Variants in SYNJ2 observed in about 807,000 individuals in gnomAD.
The protein encoded by SYNJ2 is polyphosphatidylinositol phosphatase SYNJ2.
A neutral mutation model predicts 141.3 loss-of-function variants in SYNJ2; 116 were observed. The ratio of observed to expected loss-of-function variants is 0.82; its 90% CI spans 0.71 to 0.96. The LOEUF (loss-of-function observed/expected upper bound fraction) is 0.96, where lower values mean the gene tolerates loss of function less well. Among genes scored for constraint, SYNJ2 ranks in the 40% least tolerant of loss-of-function variants. The pLI is 0.00. For missense variants in SYNJ2, 1,873 were observed against 1,934.8 expected (o/e 0.97, Z 0.60); for synonymous variants, 745 against 777.7 (o/e 0.96, Z 0.70).
At chr6:158,082,520 G>A (rs1782764576) in intron 20 of SYNJ2, among the ~76,000 whole-genome samples, 2 of 146,518 alleles carry the variant, frequency 1.4e-5, no homozygotes, top group Admixed American at 1.4e-4. Flanking sequence ...AAAGTAGCCA[G>A]ACATGGTGGC....
rs752788432 is a variant in SYNJ2, at chr6:158,043,843, C to T, written c.795+444C>T. Among the ~76,000 whole-genome samples the T allele has an allele frequency of 2.0e-5, 3 of 152,164 alleles. No homozygotes were observed. Among genetic ancestry groups the T allele is most frequent in the South Asian group, 2.1e-4 (1 of 4,830 alleles). ...CCCGGTGCTGCCTGTTGTGGGGCCA[C>T]GTGAGACTTCCACAGCTTTCCCGTG... On this transcript the variant is annotated intron_variant, in intron 5 of 26. Coordinates refer to ENST00000355585, the MANE Select transcript of SYNJ2 (RefSeq NM_003898.4). The surrounding 1 kb of genome is among the most constrained non-coding windows in gnomAD (Gnocchi z 4.0).
intron 19 of SYNJ2, 37 bp from the exon 20 acceptor site, chr6:158,081,395 C>T (rs553210024): frequency 8.1e-6 from 13 of 1,612,100 alleles, no homozygotes; most frequent in Admixed American, 6.7e-5. Flanking sequence ...GCTGCCAGGT[C>T]GTTCTTGGCA....
At position 158,027,581 on chromosome 6, in the gene SYNJ2, A is replaced by G. The variant is rs1779118375; in HGVS notation, c.215-1175A>G. 6.6e-6 allele frequency: 1 copy of G among 152,224 alleles called. No individual in the cohort carries two copies. Among genetic ancestry groups the G allele is most frequent in the African/African-American group, 2.4e-5 (1 of 41,438 alleles). The allele number at this position is 152,224 out of a possible 1,614,324, so 9.4% of individuals were successfully genotyped here. A position where few individuals can be genotyped will look rare whatever the true frequency, so the allele number is the denominator to read the frequency against. ...CAGGGTCCGAGGTCGTCTTGGTAGC[A>G]TTTGGCAGGAATTTATTTAGGAAGC... On this transcript the variant is annotated intron_variant, in intron 2 of 26. Coordinates refer to ENST00000355585, the MANE Select transcript of SYNJ2 (RefSeq NM_003898.4). The surrounding 1 kb of genome is among the most constrained non-coding windows in gnomAD (Gnocchi z 4.6).
At position 158,043,868 on chromosome 6, in the gene SYNJ2, G is replaced by A. The variant is rs1354019260; in HGVS notation, c.795+469G>A. ...CGTGAGACTTCCACAGCTTTCCCGT[G>A]ATTTCTAAAAATACCCCTTGCCGTC... On this transcript the variant is annotated intron_variant, in intron 5 of 26. Coordinates refer to ENST00000355585, the MANE Select transcript of SYNJ2 (RefSeq NM_003898.4). The surrounding 1 kb of genome is among the most constrained non-coding windows in gnomAD (Gnocchi z 4.0). Among the ~76,000 whole-genome samples, 1 of 152,200 alleles carries A rather than the reference G, an allele frequency of 6.6e-6. No homozygotes were observed. Among genetic ancestry groups the A allele is most frequent in the Non-Finnish European group, 1.5e-5 (1 of 68,036 alleles).
rs769720492 is a variant in SYNJ2 at position 158,029,026 on chromosome 6, G to T, written c.485G>T (p.Trp162Leu). 2 of 1,614,020 alleles carry T rather than the reference G, an allele frequency of 1.2e-6. No individual in the cohort carries two copies. Among genetic ancestry groups the T allele is most frequent in the Non-Finnish European group, 1.7e-6 (2 of 1,179,924 alleles). ...TCTGAATGGGGGAACTCCTTCTTCT[G>T]GTGAGGCCCTGGGTCCCCTGCAGAG... ...DSSEWGNSFF[W>L]NQLLHVPLRQ... The change falls in exon 3 of 27, where the codon TGG (tryptophan) becomes TTG (leucine). Residue 162 changes from tryptophan (W) to leucine (L), a missense_variant and splice_region_variant. By Grantham distance (61) the Trp-to-Leu change is moderately conservative. Transcript: ENST00000355585.
At position 157,982,302 on chromosome 6, in the gene SYNJ2, G is replaced by C. The variant is rs1025608974; in HGVS notation, c.127+214G>C. On this transcript the variant is annotated intron_variant, in intron 1 of 26. Coordinates refer to ENST00000355585, the MANE Select transcript of SYNJ2 (RefSeq NM_003898.4). This position sits in a 1 kb window ranked among gnomAD's most constrained non-coding sequence, Gnocchi z 4.0. ...CTGGGCCGGTGGCGCACGGAGGCCG[G>C]CCGCCCCTCCACGGGGATCTCCGGC... 2.0e-5 allele frequency among the ~76,000 whole-genome samples: 3 copies of C among 152,212 alleles called. No homozygotes were observed. Among genetic ancestry groups the C allele is most frequent in the Admixed American group, 1.3e-4 (2 of 15,288 alleles).
intron 7 of SYNJ2, 40 bp downstream of exon 7, chr6:158,059,393 C>T: frequency 1.3e-6 from 2 of 1,545,984 alleles, no homozygotes; most frequent in Non-Finnish European, 1.7e-6. Flanking sequence ...GGCTGGGCGG[C>T]AGGTGGCCAT....
intron 1 of SYNJ2, among the ~76,000 whole-genome samples, chr6:157,983,940 G>A (rs1777103703): frequency 6.6e-6 from 1 of 152,032 alleles, no homozygotes; most frequent in Admixed American, 6.6e-5. Flanking sequence ...CGATCCTCCT[G>A]CCTCAGCCTC....
At chr6:157,992,401 C>CTTTTTTTTTTT (rs57905567) in intron 1 of SYNJ2, among the ~76,000 whole-genome samples, 9 of 120,400 alleles carry the variant, frequency 7.5e-5, no homozygotes, top group Non-Finnish European at 1.5e-4. Flanking sequence ...TGGCTTGTTT[C>CTTTTTTTTTTT]TTTTTTTTTT....
In SYNJ2 at chr6:158,080,001, C is replaced by T. The variant is rs183751194; in HGVS notation, c.2568-1108C>T. ...ATTTTCAATCAGGCTGTGTAATTTT[C>T]GTAATATAGGATTTTCTGGAAATTT... On this transcript the variant is annotated intron_variant, in intron 18 of 26. Transcript: ENST00000355585. Among the ~76,000 whole-genome samples the T allele has an allele frequency of 1.6e-3, 244 of 152,238 alleles. 1 individual carries two copies. The highest frequency in any genetic ancestry group is 5.6e-3 in the African/African-American group (234 of 41,544).
chr6:158,029,624 C>T (rs528468558), intron 3 of SYNJ2, among the ~76,000 whole-genome samples: 11 of 152,060 alleles, frequency 7.2e-5, no homozygotes, highest in Non-Finnish European at 1.2e-4. Context: ...TAAGAGCCGA[C>T]GTCTGCTGAG....
chr6:158,016,018 A>G (rs1038807640), intron 1 of SYNJ2, among the ~76,000 whole-genome samples: 16 of 152,108 alleles, frequency 1.1e-4, no homozygotes, highest in Non-Finnish European at 7.4e-5. Context: ...CTCATTAGCA[A>G]TTATCTACAT....
At chr6:158,039,902 C>G (rs1392367389) in intron 4 of SYNJ2, among the ~76,000 whole-genome samples, 1 of 152,164 alleles carries the variant, frequency 6.6e-6, no homozygotes, top group African/African-American at 2.4e-5. Flanking sequence ...ACAGGATCCA[C>G]CAGCCAGGCC....
Position 158,069,928 on chromosome 6 carries a change from A to G in SYNJ2, c.1940+255A>G, listed in dbSNP as rs146957639. 3.2e-4 allele frequency among the ~76,000 whole-genome samples: 49 copies of G among 152,372 alleles called. 1 individual carries two copies. The East Asian group carries it at 5.0e-3, about 16-fold the overall frequency. ...TTAGAAAGGGTGTTACATGATTGTC[A>G]TCGCCCAAGCTCAATTCCGTGCAAG... On this transcript the variant is annotated intron_variant, in intron 14 of 26. Transcript: ENST00000355585.
intron 5 of SYNJ2, among the ~76,000 whole-genome samples, chr6:158,049,228 G>T (rs1780422082): frequency 6.6e-6 from 1 of 152,250 alleles, no homozygotes; most frequent in African/African-American, 2.4e-5. Context: ...CTGGCCCTTT[G>T]CCCAGAGGGG....
At chr6:157,989,909 G>A (rs374051861) in intron 1 of SYNJ2, among the ~76,000 whole-genome samples, 1 of 89,816 alleles carries the variant, frequency 1.1e-5, no homozygotes, top group South Asian at 5.6e-4. Context: ...GGGCTTTTCT[G>A]GGGGGGGCTA....
chr6:158,080,811 C>T (rs350292), intron 18 of SYNJ2, among the ~76,000 whole-genome samples: 18,008 of 152,180 alleles, frequency 0.12, 1,179 homozygotes, highest in African/African-American at 0.18. Flanking sequence ...TTTAAGGTGC[C>T]ACACTTTATT....
At chr6:158,088,484 T>C (rs777527468) in intron 23 of SYNJ2, among the ~76,000 whole-genome samples, 176 bp from the exon 24 acceptor site, 5 of 152,088 alleles carry the variant, frequency 3.3e-5, no homozygotes, top group Admixed American at 1.3e-4. Flanking sequence ...AGAAACTCCA[T>C]AGAGAGTCAA....
Position 158,086,921 on chromosome 6 carries a change from C to T in SYNJ2, c.3275C>T (p.Pro1092Leu), listed in dbSNP as rs1783078557. The T allele has an allele frequency of 3.1e-6, 5 of 1,609,358 alleles. No homozygotes were observed. Among genetic ancestry groups the T allele is most frequent in the Non-Finnish European group, 4.2e-6 (5 of 1,180,006 alleles). ...EAVGEFRHRS[P>L]SRSLSVPNRP... ...GTCGGGGAGTTCCGCCACCGTTCTCCGAGCAGGTCTCTGTCGGTCCCCAAC... is the reference window on the plus strand; with the variant it reads ...GTCGGGGAGTTCCGCCACCGTTCTCTGAGCAGGTCTCTGTCGGTCCCCAAC... Residue 1092 changes from proline (P) to leucine (L), a missense_variant, in exon 23 of 27, where the codon CCG becomes CTG. By Grantham distance (98) the Pro-to-Leu change is moderately conservative. Coordinates refer to ENST00000355585, the MANE Select transcript of SYNJ2 (RefSeq NM_003898.4).
Sources: allele counts gnomAD v4.1 joint callset (sites outside exome capture counted in the v4.1 genomes callset), GRCh38; gene constraint gnomAD v4.1.1; non-coding constraint Gnocchi (gnomAD v3.1); transcripts MANE v1.5; gene names NCBI Gene and HGNC (gene_info 2026-07-23, HGNC 2026-07-21).